KCNMA1: variants seen among roughly 807,000 people sequenced by gnomAD.
KCNMA1 encodes the protein potassium calcium-activated channel subfamily M alpha 1, also known as Calcium-activated potassium channel subunit alpha-1.
A neutral mutation model predicts 140.0 loss-of-function variants in KCNMA1; 29 were observed. The ratio of observed to expected loss-of-function variants is 0.21; its 90% CI spans 0.15 to 0.28. The LOEUF is 0.28. Ranked by LOEUF, KCNMA1 falls within the 10% of genes least tolerant of loss-of-function variation. The probability of loss-of-function intolerance (pLI) is 1.00; values close to 1 mark genes in which losing one functional copy is unlikely to be tolerated. For synonymous variants in KCNMA1, 612 were observed against 611.9 expected (o/e 1.00, Z 0.00); for missense variants, 880 against 1,602.2 (o/e 0.55, Z 7.70).
intron 19 of KCNMA1, among the ~76,000 whole-genome samples, chr10:76,997,165 G>C (rs995914311): frequency 2.0e-5 from 3 of 152,144 alleles, no homozygotes; most frequent in Non-Finnish European, 2.9e-5. Context: ...GACAAGACTC[G>C]ATATTACACT....
At chr10:77,529,486 T>C (rs1037105030) in intron 1 of KCNMA1, among the ~76,000 whole-genome samples, 12 of 152,250 alleles carry the variant, frequency 7.9e-5, no homozygotes, top group African/African-American at 2.4e-4. Context: ...CACCATGTTC[T>C]GTGCATGCTA....
chr10:77,272,442 T>G (rs1365055763), intron 2 of KCNMA1, among the ~76,000 whole-genome samples: 1 of 152,210 alleles, frequency 6.6e-6, no homozygotes, highest in Non-Finnish European at 1.5e-5. Context: ...TGTATATGTC[T>G]TATCTCCCCA....
chr10:76,949,076 C>G, intron 22 of KCNMA1, 66 bp downstream of exon 22: 1 of 1,219,182 alleles, frequency 8.2e-7, no homozygotes. Context: ...ACTATTATAT[C>G]CATCCGGGAT....
intron 23 of KCNMA1, among the ~76,000 whole-genome samples, chr10:76,942,462 C>T (rs1466017121): frequency 1.3e-5 from 2 of 152,154 alleles, no homozygotes; most frequent in Non-Finnish European, 2.9e-5. Flanking sequence ...AAAGAGTGCC[C>T]TTTTTTTCTT....
chr10:77,007,024 T>C (rs1004679094), intron 18 of KCNMA1, among the ~76,000 whole-genome samples: 5 of 152,200 alleles, frequency 3.3e-5, no homozygotes, highest in Non-Finnish European at 7.3e-5. Context: ...GGGACTGAAT[T>C]TGAAACATCT....
intron 20 of KCNMA1, among the ~76,000 whole-genome samples, chr10:76,969,310 G>GAAGGGAGGAAGGAAGGAAGGAAGGAAGC: frequency 6.6e-6 from 1 of 150,430 alleles, no homozygotes; most frequent in African/African-American, 2.4e-5. Flanking sequence ...GGGAAGGAAG[G>GAAGGGAGGAAGGAAGGAAGGAAGGAAGC]AAGGAAGGAA....
At chr10:77,529,239 T>TC (rs35430676) in intron 1 of KCNMA1, among the ~76,000 whole-genome samples, 56,363 of 150,528 alleles carry the variant, frequency 0.37, 11,386 homozygotes, top group East Asian at 0.6. Flanking sequence ...CCCCTCTTTT[T>TC]CCCCCTGCAC....
intron 2 of KCNMA1, among the ~76,000 whole-genome samples, chr10:77,387,385 T>C (rs1175188437): frequency 6.6e-6 from 1 of 152,148 alleles, no homozygotes; most frequent in Non-Finnish European, 1.5e-5. Flanking sequence ...CAAATGACCT[T>C]GGACAAGCCC....
intron 19 of KCNMA1, among the ~76,000 whole-genome samples, chr10:76,994,995 C>A (rs906789934): frequency 6.6e-6 from 1 of 152,184 alleles, no homozygotes; most frequent in African/African-American, 2.4e-5. Flanking sequence ...CACTGCCCCA[C>A]AAGCCTCTCT....
At chr10:77,223,247 A>T (rs963749943) in intron 3 of KCNMA1, among the ~76,000 whole-genome samples, 3 of 152,034 alleles carry the variant, frequency 2.0e-5, no homozygotes, top group African/African-American at 7.2e-5. Context: ...AAAAAAAAGA[A>T]TTTTAATTTG....
chr10:77,252,761 C>G (rs527465294), intron 2 of KCNMA1, among the ~76,000 whole-genome samples: 83 of 152,106 alleles, frequency 5.5e-4, no homozygotes, highest in African/African-American at 2.0e-3. Context: ...AGAAAATGAC[C>G]ATTAAAAACA....
At chr10:76,967,358 C>G (rs1408874245) in intron 20 of KCNMA1, among the ~76,000 whole-genome samples, 1 of 152,092 alleles carries the variant, frequency 6.6e-6, no homozygotes, top group Non-Finnish European at 1.5e-5. Flanking sequence ...GAGTAGAAAG[C>G]AGGTGTCGGA....
chr10:77,496,323 A>G (rs2041903501), intron 1 of KCNMA1, among the ~76,000 whole-genome samples: 1 of 152,122 alleles, frequency 6.6e-6, no homozygotes, highest in Non-Finnish European at 1.5e-5. Flanking sequence ...AGGGCCGGGC[A>G]CGGTGGCTCA....
At chr10:77,255,467 G>T (rs771062640) in intron 2 of KCNMA1, among the ~76,000 whole-genome samples, 9 of 152,074 alleles carry the variant, frequency 5.9e-5, no homozygotes, top group Non-Finnish European at 1.2e-4. Context: ...AGTTGTGGTG[G>T]TGCACACCTG....
chr10:77,032,195 C>T (rs552430966), intron 15 of KCNMA1, among the ~76,000 whole-genome samples: 128 of 152,290 alleles, frequency 8.4e-4, no homozygotes, highest in Non-Finnish European at 1.4e-3. Flanking sequence ...TTATGTACCC[C>T]TTACACTCCC....
chr10:77,280,507 T>A (rs1481545403), intron 2 of KCNMA1, among the ~76,000 whole-genome samples: 1 of 152,156 alleles, frequency 6.6e-6, no homozygotes, highest in Non-Finnish European at 1.5e-5. Context: ...CTTTTCTTTT[T>A]TGTTTATGTT....
At chr10:77,163,772 T>C (rs1183214945) in intron 5 of KCNMA1, among the ~76,000 whole-genome samples, 1 of 152,164 alleles carries the variant, frequency 6.6e-6, no homozygotes. Flanking sequence ...AGTGCCAAGG[T>C]GGATGTCTTT....
intron 2 of KCNMA1, among the ~76,000 whole-genome samples, chr10:77,391,352 C>T (rs2095814354): frequency 6.6e-6 from 1 of 152,196 alleles, no homozygotes; most frequent in Non-Finnish European, 1.5e-5. Flanking sequence ...TTCCCACCCT[C>T]ACCCCGTCTC....
At chr10:77,168,431 G>A (rs2098667212) in intron 5 of KCNMA1, among the ~76,000 whole-genome samples, 1 of 152,254 alleles carries the variant, frequency 6.6e-6, no homozygotes, top group Non-Finnish European at 1.5e-5. Flanking sequence ...AGATTGTATA[G>A]CCTCCTACAC....
Sources: allele counts gnomAD v4.1 joint callset (sites outside exome capture counted in the v4.1 genomes callset), GRCh38; gene constraint gnomAD v4.1.1; transcripts MANE v1.5; gene names NCBI Gene and HGNC (gene_info 2026-07-23, HGNC 2026-07-21).